The following SPECC1 variants were observed in gnomAD, a reference collection of about 807,000 sequenced individuals.
SPECC1 encodes the protein sperm antigen with calponin homology and coiled-coil domains 1.
In SPECC1, 62 loss-of-function variants were observed where a neutral mutation model predicts 104.1. The ratio of observed to expected loss-of-function variants is 0.60; its 90% confidence interval spans 0.49 to 0.74. The LOEUF is 0.74. Ranked by LOEUF, SPECC1 falls within the 30% of genes least tolerant of loss-of-function variation. SPECC1 has a pLI of 0.00. For synonymous variants in SPECC1, 513 were observed against 501.6 expected, an observed-to-expected ratio of 1.02 and a Z score of -0.30; for missense variants, 1,306 against 1,310.5, an observed-to-expected ratio of 1.00 and a Z score of 0.05.
intron 1 of SPECC1, among the ~76,000 whole-genome samples, chr17:20,012,056 G>T (rs568873354): frequency 2.0e-5 from 3 of 152,212 alleles, no homozygotes; most frequent in Non-Finnish European, 4.4e-5. Flanking sequence ...GTTTCACCAT[G>T]TGTCTTCTAT....
chr17:20,314,168 C>T lies in SPECC1; in HGVS notation c.*103C>T, dbSNP rs561819474. 5.1e-6 allele frequency: 5 copies of T among 986,236 alleles called. No individual in the cohort carries two copies. Among genetic ancestry groups the T allele is most frequent in the Non-Finnish European group, 7.8e-6 (5 of 641,556 alleles). The allele number at this position is 986,236 out of a possible 1,614,324, so 61.1% of individuals were successfully genotyped here. The stretch of plus-strand genomic sequence containing the variant: ...CCTGCTCTGCCCACCACCCAGCTGC[C>T]TAGACTTCAAAGACAGGCTCAATCC... On this transcript the variant is annotated 3_prime_UTR_variant, in exon 15 of 15. Transcript: ENST00000395527.
rs192398709 is a variant in SPECC1 at position 20,255,346 on chromosome 17, C to T, written c.2680+1760C>T. Among the ~76,000 whole-genome samples, 29 of 152,268 alleles carry T rather than the reference C, an allele frequency of 1.9e-4. No homozygotes were observed. The East Asian group carries it at 3.1e-3, about 16-fold the overall frequency. On this transcript the variant is annotated intron_variant, in intron 10 of 14. Transcript: ENST00000395527. ...AGAGCACAGCAGGAAGCCCACTTGG[C>T]TCACCATCTCCGTGCTTGCTGTGTA...
At chr17:20,097,573 C>T (rs562311894) in intron 2 of SPECC1, among the ~76,000 whole-genome samples, 3 of 152,286 alleles carry the variant, frequency 2.0e-5, no homozygotes, top group East Asian at 1.9e-4. Context: ...GACTCAACTA[C>T]GGTGAAGGCT....
At chr17:20,107,160 A>AAAAAAAAAAG (rs1567847893) in intron 2 of SPECC1, among the ~76,000 whole-genome samples, 18 of 150,088 alleles carry the variant, frequency 1.2e-4, no homozygotes, top group Non-Finnish European at 2.1e-4. Flanking sequence ...AAAAAAAAAA[A>AAAAAAAAAAG]AAAAAAAAAG....
intron 5 of SPECC1, 105 bp downstream of exon 5, chr17:20,227,725 G>C (rs554908121): frequency 9.7e-7 from 1 of 1,034,432 alleles, no homozygotes; most frequent in East Asian, 2.7e-5. Flanking sequence ...GACCCAGCCT[G>C]ACCAACATGG....
At chr17:20,223,076 C>T (rs2037987151) in intron 4 of SPECC1, among the ~76,000 whole-genome samples, 1 of 152,062 alleles carries the variant, frequency 6.6e-6, no homozygotes, top group Non-Finnish European at 1.5e-5. Context: ...TAATATTTTT[C>T]TCTAGATTTG....
At chr17:20,024,365 A>G (rs2044516786) in intron 1 of SPECC1, among the ~76,000 whole-genome samples, 1 of 152,098 alleles carries the variant, frequency 6.6e-6, no homozygotes, top group African/African-American at 2.4e-5. Flanking sequence ...TGCGGAATAA[A>G]TTTTTCTCTT....
At chr17:20,096,598 G>A in intron 1 of SPECC1, 33 bp from the exon 2 acceptor site, 1 of 1,574,128 alleles carries the variant, frequency 6.4e-7, no homozygotes, top group Non-Finnish European at 8.7e-7. Context: ...TTCAAGTGAT[G>A]GAGACATGTT....
At chr17:20,139,228 A>G (rs937804269) in intron 3 of SPECC1, among the ~76,000 whole-genome samples, 1 of 152,214 alleles carries the variant, frequency 6.6e-6, no homozygotes, top group Non-Finnish European at 1.5e-5. Flanking sequence ...CCTTTGGGTT[A>G]CAAGATAGAC....
chr17:20,212,957 C>T (rs1328335278), intron 4 of SPECC1, among the ~76,000 whole-genome samples: 1 of 152,082 alleles, frequency 6.6e-6, no homozygotes, highest in African/African-American at 2.4e-5. Flanking sequence ...TCTTATTTAT[C>T]TTAATTTTAT....
At chr17:20,079,807 G>A (rs1292202058) in intron 1 of SPECC1, among the ~76,000 whole-genome samples, 2 of 152,188 alleles carry the variant, frequency 1.3e-5, no homozygotes, top group Admixed American at 6.5e-5. Flanking sequence ...GATGGTGGCT[G>A]CGAAGCTGCC....
intron 1 of SPECC1, among the ~76,000 whole-genome samples, chr17:20,066,177 C>G (rs1412319373): frequency 6.6e-6 from 1 of 152,150 alleles, no homozygotes; most frequent in African/African-American, 2.4e-5. Flanking sequence ...CCCTTTCATC[C>G]TGAATCATTA....
chr17:20,162,795 A>G (rs1216375419), intron 3 of SPECC1, among the ~76,000 whole-genome samples: 1 of 152,220 alleles, frequency 6.6e-6, no homozygotes, highest in African/African-American at 2.4e-5. Flanking sequence ...TGGGAGGCCA[A>G]GGTGGGCGGA....
intron 1 of SPECC1, among the ~76,000 whole-genome samples, chr17:20,050,610 T>C (rs1383061434): frequency 1.3e-5 from 2 of 152,240 alleles, no homozygotes; most frequent in Non-Finnish European, 2.9e-5. Flanking sequence ...TGTGTTTAGT[T>C]ACCTACTTTG....
At chr17:20,040,034 T>C (rs773727172) in intron 1 of SPECC1, among the ~76,000 whole-genome samples, 13 of 152,174 alleles carry the variant, frequency 8.5e-5, no homozygotes, top group South Asian at 2.1e-4. Context: ...TCTTTTTGTC[T>C]TGTCTTCCTG....
At chr17:20,311,689 A>T (rs1358270814) in intron 14 of SPECC1, among the ~76,000 whole-genome samples, 1 of 152,166 alleles carries the variant, frequency 6.6e-6, no homozygotes, top group Non-Finnish European at 1.5e-5. Context: ...AGTTTTAAAT[A>T]GGACAGATGA....
chr17:20,311,012 G>A (rs747223762), intron 14 of SPECC1, among the ~76,000 whole-genome samples: 2 of 152,094 alleles, frequency 1.3e-5, no homozygotes, highest in Non-Finnish European at 2.9e-5. Flanking sequence ...GCAAGGCCAG[G>A]CAGGCAGCTC....
At chr17:20,131,535 C>T (rs1427619117) in intron 3 of SPECC1, among the ~76,000 whole-genome samples, 1 of 151,432 alleles carries the variant, frequency 6.6e-6, no homozygotes, top group East Asian at 1.9e-4. Flanking sequence ...CTTTTCATGT[C>T]TTATCACACT....
chr17:20,185,801 C>T (rs1016938570), intron 3 of SPECC1, among the ~76,000 whole-genome samples: 1 of 152,166 alleles, frequency 6.6e-6, no homozygotes, highest in African/African-American at 2.4e-5. Flanking sequence ...GTGATAATCA[C>T]AGGAGTCTTC....
Sources: gnomAD v4.1 joint callset for allele counts (sites outside exome capture counted in the v4.1 genomes callset) on GRCh38, gnomAD v4.1.1 for gene constraint, MANE v1.5 for transcripts, NCBI Gene and HGNC (gene_info 2026-07-23, HGNC 2026-07-21) for gene names.